Variants in UGT2B28 observed in about 807,000 individuals in gnomAD.
UGT2B28 encodes the protein UDP-glucuronosyltransferase 2B28.
In UGT2B28, 45 loss-of-function variants were observed where a neutral mutation model predicts 43.6. That is an observed-to-expected ratio of 1.03 (90% CI 0.81 to 1.32). UGT2B28 has a LOEUF of 1.32. Ranked by LOEUF, UGT2B28 falls within the 40% of genes most tolerant of loss-of-function variation. UGT2B28 has a pLI of 0.00. For missense variants in UGT2B28, 649 were observed against 625.5 expected (o/e 1.04, Z -0.40); for synonymous variants, 204 against 208.1 (o/e 0.98, Z 0.17).
chr4:69,285,025 T>C (rs1723729463), intron 2 of UGT2B28, among the ~76,000 whole-genome samples: 1 of 140,046 alleles, frequency 7.1e-6, no homozygotes, highest in South Asian at 2.4e-4. Context: ...TTAAAATTTA[T>C]TTGCATACGA....
intron 5 of UGT2B28, among the ~76,000 whole-genome samples, chr4:69,292,185 T>C (rs1279432195): frequency 1.4e-5 from 2 of 140,466 alleles, no homozygotes; most frequent in Non-Finnish European, 3.0e-5. Flanking sequence ...TGATGGTCTT[T>C]GAAGCACAAA....
chr4:69,290,605 C>T lies in UGT2B28; in HGVS notation c.1104C>T (p.Thr368=). 6.4e-7 allele frequency: 1 copy of T among 1,557,180 alleles called. No homozygotes were observed. The highest frequency in any genetic ancestry group is 8.7e-7 in the Non-Finnish European group (1 of 1,153,906). The change falls in exon 5 of 6, where the codon ACC becomes ACT. Residue 368 remains threonine (T), a synonymous_variant. Coordinates refer to ENST00000335568, the MANE Select transcript of UGT2B28 (RefSeq NM_053039.2). ...PQNDLLGLPK[T]RAFITHGGAN... is the part of the protein sequence containing the mutation. ...ATCCAATCCTAGGTCTTCCAAAAAC[C>T]AGAGCTTTTATAACTCATGGTGGAG...
rs759906869 is a variant in UGT2B28 at position 69,280,584 on chromosome 4, G to A, written c.84G>A (p.Val28=). The part of the protein sequence containing the change: ...FSSGSCGKVL[V]WTGEYSHWMN... The stretch of plus-strand genomic sequence containing the variant: ...CTGGGAGTTGTGGAAAGGTGCTGGT[G>A]TGGACCGGTGAATACAGCCATTGGA... The change falls in exon 1 of 6, where the codon GTG becomes GTA. Residue 28 remains valine, a synonymous_variant. Transcript: ENST00000335568. 1.9e-5 allele frequency: 29 copies of A among 1,560,592 alleles called. 5 individuals are homozygous for A. The highest frequency in any genetic ancestry group is 3.5e-5 in the Admixed American group (2 of 56,472).
chr4:69,282,643 C>A lies in UGT2B28; in HGVS notation c.851C>A (p.Pro284His). 2 of 1,549,986 alleles carry A rather than the reference C, an allele frequency of 1.3e-6. 1 individual carries two copies. Among genetic ancestry groups the A allele is most frequent in the Non-Finnish European group, 1.7e-6 (2 of 1,152,186 alleles). ...IDFVGGLHCK[P>H]AKPLPKEMEE... ...TTTGTTGGAGGACTCCACTGCAAAC[C>A]TGCCAAACCCCTACCTAAGGTAAAC... The change falls in exon 2 of 6, where the codon CCT (proline) becomes CAT (histidine). Residue 284 changes from proline (P) to histidine (H), a missense_variant. Physicochemically the swap from Pro to His is moderately conservative, Grantham distance 77 (BLOSUM62 -2). Transcript: ENST00000335568.
Position 69,293,409 on chromosome 4 carries a change from A to T in UGT2B28, c.1311-1121A>T, listed in dbSNP as rs1162141665. Among the ~76,000 whole-genome samples the T allele has an allele frequency of 2.1e-5, 3 of 140,670 alleles. 1 individual carries two copies. The highest frequency in any genetic ancestry group is 4.6e-5 in the Non-Finnish European group (3 of 65,820). 92.3% of individuals were successfully genotyped at this position (140,670 alleles called of 152,430 possible). On this transcript the variant is annotated intron_variant, in intron 5 of 5. Transcript: ENST00000335568. ...CTATTCACTTAGTGTATGTATATTT[A>T]TCTTTTGTGTTTTATATTTAAATGT...
chr4:69,290,732 G>T lies in UGT2B28; in HGVS notation c.1231G>T (p.Ala411Ser), dbSNP rs1396848374. ...CATTGCTCACATGAAGGCCAAGGGA[G>T]CAGCTGTTAGACTGGACTTCCACAC... The part of the protein sequence containing the change: ...DNIAHMKAKG[A>S]AVRLDFHTMS... The change falls in exon 5 of 6, where the codon GCA becomes TCA. Residue 411 changes from alanine (A) to serine (S), a missense_variant. Transcript: ENST00000335568. 1 of 1,559,598 alleles carries T rather than the reference G, an allele frequency of 6.4e-7. No homozygotes were observed. Among genetic ancestry groups the T allele is most frequent in the Admixed American group, 1.8e-5 (1 of 56,278 alleles).
chr4:69,288,924 GT>G lies in UGT2B28; in HGVS notation c.1003-734del, dbSNP rs1416651616. ...TTATCCCTGCAAAATACATATTTTT[GT>G]TTTTTTATGGCTGCATAATATTCTG... On this transcript the variant is annotated intron_variant, in intron 3 of 5. Transcript: ENST00000335568. Among the ~76,000 whole-genome samples the G allele has an allele frequency of 2.9e-5, 4 of 139,994 alleles. 1 individual carries two copies. The East Asian group carries it at 8.2e-4, about 29-fold the overall frequency. The allele number at this position is 139,994 out of a possible 152,430, so 91.8% of individuals were successfully genotyped here.
chr4:69,284,605 T>C lies in UGT2B28; in HGVS notation c.870+1943T>C, dbSNP rs191633374. ...CATTAAGGGAAACTGACAGTGCAAA[T>C]TGGAGGAGGAAGAGAGTAGGAGGTG... On this transcript the variant is annotated intron_variant, in intron 2 of 5. Coordinates refer to ENST00000335568, the MANE Select transcript of UGT2B28 (RefSeq NM_053039.2). 2.1e-3 allele frequency among the ~76,000 whole-genome samples: 297 copies of C among 139,232 alleles called. 66 individuals are homozygous for C. Among genetic ancestry groups the C allele is most frequent in the African/African-American group, 8.1e-3 (288 of 35,568 alleles). 91.3% of individuals were successfully genotyped at this position (139,232 alleles called of 152,430 possible).
At position 69,288,124 on chromosome 4, in the gene UGT2B28, A is replaced by G. The variant is rs1255475908; in HGVS notation, c.1002+1241A>G. Among the ~76,000 whole-genome samples the G allele has an allele frequency of 6.4e-5, 8 of 124,438 alleles. 2 individuals carry two copies. Among genetic ancestry groups the G allele is most frequent in the African/African-American group, 2.6e-4 (8 of 30,588 alleles). 81.6% of individuals were successfully genotyped at this position (124,438 alleles called of 152,430 possible). On this transcript the variant is annotated intron_variant, in intron 3 of 5. Transcript: ENST00000335568. Reference sequence around the variant, plus strand: ...TTCAACAGCTTTATTTTTATTCATGATTCCAACAGGCTCCTCATTTCTAGG... The same window carrying G: ...TTCAACAGCTTTATTTTTATTCATGGTTCCAACAGGCTCCTCATTTCTAGG...
At chr4:69,288,540 AT>A (rs1483314220) in intron 3 of UGT2B28, among the ~76,000 whole-genome samples, 2 of 139,746 alleles carry the variant, frequency 1.4e-5, no homozygotes, top group Non-Finnish European at 3.1e-5. Context: ...ATGACTCCAT[AT>A]AATTTTTTAT....
rs762772455 is a variant in UGT2B28 at position 69,292,722 on chromosome 4, T to A, written c.1311-1808T>A. 1.1e-4 allele frequency among the ~76,000 whole-genome samples: 15 copies of A among 140,188 alleles called. 2 individuals carry two copies. Among genetic ancestry groups the A allele is most frequent in the Middle Eastern group, 3.6e-3 (1 of 274 alleles). The allele number at this position is 140,188 out of a possible 152,430, so 92.0% of individuals were successfully genotyped here. ...AGTACGTCAAATAGTTAATCTTTAC[T>A]TGAAGTGATATGTGGTGGGCAATAA... On this transcript the variant is annotated intron_variant, in intron 5 of 5. Coordinates refer to ENST00000335568, the MANE Select transcript of UGT2B28 (RefSeq NM_053039.2).
In UGT2B28 at chr4:69,282,062, T is replaced by C. The variant is rs1723628481; in HGVS notation, c.722-452T>C. On this transcript the variant is annotated intron_variant, in intron 1 of 5. Transcript: ENST00000335568. ...ACTCTCAAAATAGTCCGAGTTCACT[T>C]GAAGAACCAAAGATAAAAGGATTAG... Among the ~76,000 whole-genome samples the C allele has an allele frequency of 2.9e-5, 4 of 140,136 alleles. 2 individuals carry two copies. In the Admixed American group the frequency reaches 2.9e-4, roughly 10 times the overall value. The allele number at this position is 140,136 out of a possible 152,430, so 91.9% of individuals were successfully genotyped here.
At position 69,285,808 on chromosome 4, in the gene UGT2B28, T is replaced by C. The variant is rs1034947797; in HGVS notation, c.871-944T>C. On this transcript the variant is annotated intron_variant, in intron 2 of 5. Coordinates refer to ENST00000335568, the MANE Select transcript of UGT2B28 (RefSeq NM_053039.2). ...GCACATCTTCACCAGGCGTGTAATGTGGTGTGCGTGAGCTACTCAAAAGAG... is the reference window on the plus strand; with the variant it reads ...GCACATCTTCACCAGGCGTGTAATGCGGTGTGCGTGAGCTACTCAAAAGAG... 3.5e-5 allele frequency among the ~76,000 whole-genome samples: 5 copies of C among 140,932 alleles called. 1 individual carries two copies. The highest frequency in any genetic ancestry group is 7.6e-5 in the Non-Finnish European group (5 of 65,890). The allele number at this position is 140,932 out of a possible 152,430, so 92.5% of individuals were successfully genotyped here.
At position 69,289,699 on chromosome 4, in the gene UGT2B28, C is replaced by A. The variant is rs770422617; in HGVS notation, c.1037C>A (p.Ala346Asp). The A allele has an allele frequency of 1.3e-6, 2 of 1,560,398 alleles. No individual in the cohort carries two copies. The highest frequency in any genetic ancestry group is 1.8e-5 in the Admixed American group (1 of 56,250). The change falls in exon 4 of 6, where the codon GCC becomes GAC. Residue 346 changes from alanine (A) to aspartate (D), a missense_variant. By Grantham distance (126) the Ala-to-Asp change is moderately radical. Transcript: ENST00000335568. ...AGATTTGATGGGAATAAACCAGATGCCTTAGGTCTCAATACTCGGCTGTAT... is the reference window on the plus strand; with the variant it reads ...AGATTTGATGGGAATAAACCAGATGACTTAGGTCTCAATACTCGGCTGTAT... ...LWRFDGNKPD[A>D]LGLNTRLYKW... is the part of the protein sequence containing the mutation.
intron 2 of UGT2B28, among the ~76,000 whole-genome samples, chr4:69,284,983 G>C (rs1158988556): frequency 7.2e-6 from 1 of 139,508 alleles, no homozygotes; most frequent in East Asian, 2.1e-4. Flanking sequence ...ATTAACATTA[G>C]AATTAATCCG....
intron 5 of UGT2B28, among the ~76,000 whole-genome samples, chr4:69,292,772 G>C (rs1288212370): frequency 7.2e-6 from 1 of 139,608 alleles, no homozygotes; most frequent in Non-Finnish European, 1.5e-5. Context: ...AATATAAAAA[G>C]ATTCAATATC....
chr4:69,281,178 G>T lies in UGT2B28; in HGVS notation c.678G>T (p.Met226Ile). 1 of 1,544,964 alleles carries T rather than the reference G, an allele frequency of 6.5e-7. No homozygotes were observed. Among genetic ancestry groups the T allele is most frequent in the South Asian group, 1.2e-5 (1 of 80,734 alleles). Residue 226 changes from methionine (M) to isoleucine (I), a missense_variant, in exon 1 of 6, where the codon ATG (methionine) becomes ATT (isoleucine). Physicochemically the swap from Met to Ile is conservative, Grantham distance 10 (BLOSUM62 1). Transcript: ENST00000335568. ...YVLYFDFWFQ[M>I]CDMKKWDQFY... ...TTTATTTTGACTTTTGGTTCCAAAT[G>T]TGTGATATGAAGAAGTGGGATCAGT...
chr4:69,291,162 A>G lies in UGT2B28; in HGVS notation c.1310+351A>G, dbSNP rs1348110440. Among the ~76,000 whole-genome samples the G allele has an allele frequency of 9.9e-5, 14 of 140,884 alleles. 2 individuals are homozygous for G. The highest frequency in any genetic ancestry group is 2.0e-4 in the Non-Finnish European group (13 of 65,828). The allele number at this position is 140,884 out of a possible 152,430, so 92.4% of individuals were successfully genotyped here. ...ATGTTTTAATTAAATATCTAAAATG[A>G]CTCAGAATATAACTATTTTCTTGCT... On this transcript the variant is annotated intron_variant, in intron 5 of 5. Transcript: ENST00000335568.
rs1370147785 is a variant in UGT2B28, at chr4:69,290,642, T to C, written c.1141T>C (p.Tyr381His). The change falls in exon 5 of 6, where the codon TAT becomes CAT. Residue 381 changes from tyrosine (Y) to histidine (H), a missense_variant. Transcript: ENST00000335568. ...FITHGGANGI[Y>H]EAIYHGIPMV... ...AACTCATGGTGGAGCCAATGGCATC[T>C]ATGAGGCAATCTACCATGGGATCCC... 3 of 1,559,428 alleles carry C rather than the reference T, an allele frequency of 1.9e-6. No individual in the cohort carries two copies. Among genetic ancestry groups the C allele is most frequent in the Non-Finnish European group, 2.6e-6 (3 of 1,155,224 alleles).
Sources: gnomAD v4.1 joint callset for allele counts (sites outside exome capture counted in the v4.1 genomes callset) on GRCh38, gnomAD v4.1.1 for gene constraint, MANE v1.5 for transcripts, NCBI Gene and HGNC (gene_info 2026-07-23, HGNC 2026-07-21) for gene names.